The following GOPC variants were observed in gnomAD, a reference collection of about 807,000 sequenced individuals.
GOPC encodes golgi associated PDZ and coiled-coil motif containing.
Under a neutral mutation model 51.2 loss-of-function variants are expected in GOPC, and 32 were observed. The observed-to-expected ratio is 0.63, with a 90% CI of 0.47 to 0.84. The LOEUF is 0.84. GOPC is among the 40% of genes least tolerant of loss of function. The probability of loss-of-function intolerance (pLI) is 0.00; values close to 1 mark genes in which losing one functional copy is unlikely to be tolerated. For missense variants in GOPC, 441 were observed against 555.5 expected (o/e 0.79, Z 2.07); for synonymous variants, 190 against 205.1 (o/e 0.93, Z 0.63).
In GOPC at chr6:117,602,225, C is replaced by G. The variant is rs1772028922; in HGVS notation, c.64G>C (p.Val22Leu). ...GGGPGGASCS[V>L]GAPGGVSMFR... ...ATGGATACCCCGCCAGGGGCCCCCA[C>G]GGAGCAGGAGGCGCCCCCTGGGCCC... The change falls in exon 1 of 9, where the codon GTG (valine) becomes CTG (leucine). Residue 22 changes from valine to leucine, a missense_variant. This residue lies in a region of GOPC where 204 missense variants were observed against 219.8 expected (regional missense o/e 0.93). Transcript: ENST00000368498. 1.2e-6 allele frequency: 2 copies of G among 1,605,996 alleles called. No homozygotes were observed. Among genetic ancestry groups the G allele is most frequent in the African/African-American group, 1.3e-5 (1 of 74,932 alleles).
intron 1 of GOPC, among the ~76,000 whole-genome samples, chr6:117,594,532 T>G (rs561972361): frequency 2.8e-4 from 42 of 152,318 alleles, no homozygotes; most frequent in African/African-American, 9.9e-4. Context: ...CTACATCCCT[T>G]TTTTGCTCTC....
At position 117,602,306 on chromosome 6, in the gene GOPC, C is replaced by T; in HGVS notation, c.-18G>A. 1 of 1,569,662 alleles carries T rather than the reference C, an allele frequency of 6.4e-7. No individual in the cohort carries two copies. The highest frequency in any genetic ancestry group is 8.6e-7 in the Non-Finnish European group (1 of 1,165,918). ...GCCGACATGGCGCCGTCAAGGGCCT[C>T]TCCCGACTGCTGAAGACCCTCGCCG... On this transcript the variant is annotated 5_prime_UTR_variant, in exon 1 of 9. Coordinates refer to ENST00000368498, the MANE Select transcript of GOPC (RefSeq NM_020399.4).
intron 1 of GOPC, among the ~76,000 whole-genome samples, chr6:117,588,071 A>C (rs180752425): frequency 4.6e-5 from 7 of 152,130 alleles, no homozygotes; most frequent in African/African-American, 1.7e-4. Context: ...ATTTAAAAAT[A>C]GGTCTCACTA....
chr6:117,602,064 G>A lies in GOPC; in HGVS notation c.225C>T (p.Ser75=), dbSNP rs1321791187. The part of the protein sequence containing the change: ...EGRQKMTSLS[S]CFAQLCHKAQ... ...CTTTGTGGCAAAGCTGTGCAAAGCA[G>A]GAGCTCAGGCTGGTCATCTTCTGTC... The change falls in exon 1 of 9, where the codon TCC becomes TCT. Residue 75 remains serine, a synonymous_variant. Transcript: ENST00000368498. 1 of 1,614,192 alleles carries A rather than the reference G, an allele frequency of 6.2e-7. No homozygotes were observed.
chr6:117,568,916 A>G (rs1333152660), intron 7 of GOPC, among the ~76,000 whole-genome samples: 1 of 152,230 alleles, frequency 6.6e-6, no homozygotes, highest in African/African-American at 2.4e-5. Flanking sequence ...CTGATAATCC[A>G]AGAAACATCT....
chr6:117,594,496 T>C (rs922582240), intron 1 of GOPC, among the ~76,000 whole-genome samples: 19 of 152,190 alleles, frequency 1.2e-4, no homozygotes, highest in African/African-American at 4.1e-4. Context: ...TCCTCCAATA[T>C]AATCCAAACT....
chr6:117,570,801 A>G (rs1562139682), intron 6 of GOPC, 59 bp downstream of exon 6: 4 of 714,346 alleles, frequency 5.6e-6, no homozygotes, highest in Non-Finnish European at 9.0e-6. Flanking sequence ...ATGTCCAACA[A>G]AGGAGCATGA....
intron 4 of GOPC, among the ~76,000 whole-genome samples, chr6:117,574,253 A>C (rs1779846574): frequency 6.6e-6 from 1 of 152,002 alleles, no homozygotes; most frequent in Non-Finnish European, 1.5e-5. Flanking sequence ...CCCATCTCAC[A>C]AAATTTAAAA....
chr6:117,599,081 T>A lies in GOPC; in HGVS notation c.285+2923A>T, dbSNP rs115337899. 3.3e-3 allele frequency among the ~76,000 whole-genome samples: 508 copies of A among 152,254 alleles called. 3 individuals carry two copies. Among genetic ancestry groups the A allele is most frequent in the African/African-American group, 0.012 (486 of 41,552 alleles). The stretch of plus-strand genomic sequence containing the variant: ...AGCCTATTCAAGTAAAAAAGTAACC[T>A]ATGATTTTTTTGCAGCAAAATTTAA... On this transcript the variant is annotated intron_variant, in intron 1 of 8. Transcript: ENST00000368498.
At chr6:117,567,118 TA>T (rs1779714262) in intron 7 of GOPC, 84 bp from the exon 8 acceptor site, 5 of 983,206 alleles carry the variant, frequency 5.1e-6, no homozygotes, top group African/African-American at 1.6e-5. Flanking sequence ...TGGGAAGGCT[TA>T]GGGGTAGAGA....
At position 117,562,925 on chromosome 6, in the gene GOPC, C is replaced by CCTA. The variant is rs1480816655; in HGVS notation, c.*326_*328dup. 1 of 277,846 alleles carries CCTA rather than the reference C, an allele frequency of 3.6e-6. No individual in the cohort carries two copies. Among genetic ancestry groups the CCTA allele is most frequent in the African/African-American group, 2.2e-5 (1 of 45,998 alleles). 17.2% of individuals were successfully genotyped at this position (277,846 alleles called of 1,614,324 possible). On this transcript the variant is annotated 3_prime_UTR_variant, in exon 9 of 9. Coordinates refer to ENST00000368498, the MANE Select transcript of GOPC (RefSeq NM_020399.4). ...ATAAAATTCCAGTTAGCACTGTCCTCCTACTAAAGGGAAAAGGAACCAAGT... is the reference window on the plus strand; with the variant it reads ...ATAAAATTCCAGTTAGCACTGTCCTCCTACTACTAAAGGGAAAAGGAACCAAGT...
Position 117,579,492 on chromosome 6 carries a change from A to G in GOPC, c.286-428T>C, listed in dbSNP as rs558468784. Among the ~76,000 whole-genome samples the G allele has an allele frequency of 5.8e-4, 88 of 152,158 alleles. 1 individual carries two copies. In the South Asian group the frequency reaches 0.018, roughly 32 times the overall value. On this transcript the variant is annotated intron_variant, in intron 1 of 8. Transcript: ENST00000368498. ...GTAAGTGAGTTGTGTTCTGTCTTCA[A>G]TCCAACGAATACTAGCCCAAATCAT...
Position 117,563,221 on chromosome 6 carries a change from T to C in GOPC, c.*33A>G, listed in dbSNP as rs1226693511. 6.3e-7 allele frequency: 1 copy of C among 1,597,322 alleles called. No homozygotes were observed. On this transcript the variant is annotated 3_prime_UTR_variant, in exon 9 of 9. Coordinates refer to ENST00000368498, the MANE Select transcript of GOPC (RefSeq NM_020399.4). ...CCAGTGCCCCAAATTCAGAATAGTCTGATTAACAATCTTGTCTGGAGATAT... is the reference window on the plus strand; with the variant it reads ...CCAGTGCCCCAAATTCAGAATAGTCCGATTAACAATCTTGTCTGGAGATAT...
chr6:117,595,092 T>C lies in GOPC; in HGVS notation c.285+6912A>G, dbSNP rs141399273. Reference sequence around the variant, plus strand: ...CTCTGGCACCTGAGTTACAAGCAGATTTTAAAGGGAAAAAGGAACAAGGCA... The same window carrying C: ...CTCTGGCACCTGAGTTACAAGCAGACTTTAAAGGGAAAAAGGAACAAGGCA... On this transcript the variant is annotated intron_variant, in intron 1 of 8. Transcript: ENST00000368498. Among the ~76,000 whole-genome samples the C allele has an allele frequency of 3.9e-5, 6 of 152,278 alleles. No homozygotes were observed. The East Asian group carries it at 1.2e-3, about 29-fold the overall frequency.
chr6:117,573,522 C>T lies in GOPC; in HGVS notation c.761G>A (p.Arg254Gln). 6.2e-7 allele frequency: 1 copy of T among 1,614,074 alleles called. No homozygotes were observed. Among genetic ancestry groups the T allele is most frequent in the Non-Finnish European group, 8.5e-7 (1 of 1,179,994 alleles). Residue 254 changes from arginine to glutamine, a missense_variant, in exon 5 of 9, where the codon CGA (arginine) becomes CAA (glutamine). Arg to Gln is a conservative substitution (Grantham distance 43). Around this residue, in one of 3 missense-constraint regions of GOPC, gnomAD observed 166 missense variants for 267.0 expected, o/e 0.62. Transcript: ENST00000368498. ...IHLHRHKTVI[R>Q]ACRGRNDLKR... ...CAAGTCATTACGTCCTCTGCAGGCTCGGATCACAGTTTTGTGACGATGCAA... is the reference window on the plus strand; with the variant it reads ...CAAGTCATTACGTCCTCTGCAGGCTTGGATCACAGTTTTGTGACGATGCAA...
intron 1 of GOPC, among the ~76,000 whole-genome samples, chr6:117,587,347 A>G (rs903545593): frequency 6.6e-6 from 1 of 152,150 alleles, no homozygotes; most frequent in Non-Finnish European, 1.5e-5. Context: ...AGGTTAGGTA[A>G]CTTCACCATG....
At chr6:117,582,273 TACACACACACACACACACAC>T in intron 1 of GOPC, among the ~76,000 whole-genome samples, 1 of 119,216 alleles carries the variant, frequency 8.4e-6, no homozygotes, top group Middle Eastern at 4.0e-3. Flanking sequence ...CCTCCCCCCC[TACACACACACACACACACAC>T]ACACACACAC....
At position 117,562,807 on chromosome 6, in the gene GOPC, G is replaced by A. The variant is rs1779613352; in HGVS notation, c.*447C>T. 4.7e-6 allele frequency: 1 copy of A among 210,668 alleles called. No individual in the cohort carries two copies. The highest frequency in any genetic ancestry group is 9.6e-6 in the Non-Finnish European group (1 of 103,836). The allele number at this position is 210,668 out of a possible 1,614,324, so 13.0% of individuals were successfully genotyped here. A position where few individuals can be genotyped will look rare whatever the true frequency, so the allele number is the denominator to read the frequency against. ...CAAGCCTATATTTCTACAATTCATT[G>A]AGTCAAGCTCTGTCTTCTGAAATAC... On this transcript the variant is annotated 3_prime_UTR_variant, in exon 9 of 9. Transcript: ENST00000368498.
intron 1 of GOPC, among the ~76,000 whole-genome samples, chr6:117,586,489 T>C (rs867107368): frequency 1.2e-3 from 169 of 142,394 alleles, no homozygotes; most frequent in African/African-American, 4.0e-3. Context: ...TTTTTTTTTT[T>C]TTTTTTTTTG....
Sources: gnomAD v4.1 joint callset for allele counts (sites outside exome capture counted in the v4.1 genomes callset) on GRCh38, gnomAD v4.1.1 for gene constraint, gnomAD v4.1.1 regional missense constraint, MANE v1.5 for transcripts, NCBI Gene and HGNC (gene_info 2026-07-23, HGNC 2026-07-21) for gene names.